The following TMEM117 variants were observed in gnomAD, a reference collection of about 807,000 sequenced individuals.
TMEM117 encodes transmembrane protein 117.
TMEM117 carries 27 observed loss-of-function variants against 52.4 expected under a neutral mutation model. The observed-to-expected ratio is 0.51, with a 90% confidence interval of 0.38 to 0.71. The LOEUF is 0.71. Among genes scored for constraint, TMEM117 ranks in the 30% least tolerant of loss-of-function variants. The pLI is 0.00. For missense variants in TMEM117, 556 were observed against 630.5 expected, an observed-to-expected ratio of 0.88 and a Z score of 1.26; for synonymous variants, 215 against 206.3, an observed-to-expected ratio of 1.04 and a Z score of -0.36.
Position 44,216,030 on chromosome 12 carries a change from C to CGGTTTCTT in TMEM117, c.608+4645_608+4652dup, listed in dbSNP as rs1316217203. On this transcript the variant is annotated intron_variant, in intron 5 of 7. Coordinates refer to ENST00000266534, the MANE Select transcript of TMEM117 (RefSeq NM_032256.3). ...CTTTTTTTTTTTTTTTTTTTTGAGA[C>CGGTTTCTT]GGTTTCTTGCTCTGTCACCCAGGCT... 5.3e-5 allele frequency among the ~76,000 whole-genome samples: 5 copies of CGGTTTCTT among 93,502 alleles called. No individual in the cohort carries two copies. In the East Asian group the frequency reaches 1.4e-3, roughly 27 times the overall value. The allele number at this position is 93,502 out of a possible 152,430, so 61.3% of individuals were successfully genotyped here.
intron 3 of TMEM117, among the ~76,000 whole-genome samples, chr12:44,042,100 ATC>A (rs1397607884): frequency 6.6e-6 from 1 of 152,166 alleles, no homozygotes; most frequent in Non-Finnish European, 1.5e-5. Context: ...AAACCCCATA[ATC>A]TCTGCCCAAA....
intron 3 of TMEM117, chr12:44,073,924 T>A (rs149979081): frequency 6.6e-6 from 1 of 152,338 alleles, no homozygotes; most frequent in Non-Finnish European, 1.5e-5. Context: ...TGGTTCTTAA[T>A]GATTTTAGTA....
chr12:43,877,890 A>AAAACAC, intron 2 of TMEM117, among the ~76,000 whole-genome samples: 1 of 143,106 alleles, frequency 7.0e-6, no homozygotes, highest in East Asian at 2.1e-4. Context: ...GTAAAAACAA[A>AAAACAC]ACACACACAC....
intron 2 of TMEM117, among the ~76,000 whole-genome samples, chr12:43,920,694 A>G (rs1944679701): frequency 6.6e-6 from 1 of 151,876 alleles, no homozygotes; most frequent in African/African-American, 2.4e-5. Context: ...AGCTGGCACC[A>G]TAGGTGCACC....
At chr12:43,800,045 G>C in the TMEM117 span, among the ~76,000 whole-genome samples, 10 of 152,198 alleles carry the variant, frequency 6.6e-5, no homozygotes, top group East Asian at 1.9e-3. Context: ...TAATGGTGAA[G>C]AAGCAATATA....
intron 6 of TMEM117, among the ~76,000 whole-genome samples, chr12:44,363,801 T>G (rs1446674605): frequency 2.0e-5 from 3 of 152,172 alleles, no homozygotes; most frequent in African/African-American, 4.8e-5. Flanking sequence ...GTATTTGTTT[T>G]GAGTGTGTAG....
At chr12:44,135,923 G>A in intron 3 of TMEM117, among the ~76,000 whole-genome samples, 1 of 152,120 alleles carries the variant, frequency 6.6e-6, no homozygotes, top group South Asian at 2.1e-4. Flanking sequence ...ACTTTGAACA[G>A]CATCAAAATC....
chr12:44,054,592 A>G (rs1947022663), intron 3 of TMEM117, among the ~76,000 whole-genome samples: 1 of 152,198 alleles, frequency 6.6e-6, no homozygotes, highest in Non-Finnish European at 1.5e-5. Flanking sequence ...TGTTTTAAAT[A>G]TCAGAAGTAC....
At chr12:44,363,671 G>A (rs1384702519) in intron 6 of TMEM117, among the ~76,000 whole-genome samples, 3 of 152,062 alleles carry the variant, frequency 2.0e-5, no homozygotes, top group Non-Finnish European at 2.9e-5. Flanking sequence ...TACCTTGCAG[G>A]TATTTACATT....
At chr12:44,114,936 T>G (rs947075304) in intron 3 of TMEM117, among the ~76,000 whole-genome samples, 5 of 152,206 alleles carry the variant, frequency 3.3e-5, no homozygotes, top group African/African-American at 1.2e-4. Flanking sequence ...AATATCTCTT[T>G]AATCTTAAAT....
At chr12:44,398,793 G>T in the TMEM117 span, among the ~76,000 whole-genome samples, 2 of 152,212 alleles carry the variant, frequency 1.3e-5, no homozygotes. Context: ...CTTTGCTAAG[G>T]CAGGGAAGAT....
chr12:44,105,886 G>A (rs1007083294), intron 3 of TMEM117, among the ~76,000 whole-genome samples: 2 of 152,034 alleles, frequency 1.3e-5, no homozygotes, highest in Non-Finnish European at 2.9e-5. Context: ...AAGTATAAGG[G>A]TGTTTTAAAG....
chr12:44,082,717 T>C (rs1947501858), intron 3 of TMEM117, among the ~76,000 whole-genome samples: 1 of 152,104 alleles, frequency 6.6e-6, no homozygotes, highest in Non-Finnish European at 1.5e-5. Context: ...AACATGAAAG[T>C]ATGTTATGCA....
intron 3 of TMEM117, among the ~76,000 whole-genome samples, chr12:44,064,908 A>C (rs879351831): frequency 6.6e-6 from 1 of 152,198 alleles, no homozygotes; most frequent in Non-Finnish European, 1.5e-5. Flanking sequence ...ACCACATACA[A>C]AAAAGGGGGG....
chr12:44,022,039 A>G (rs571733338), intron 3 of TMEM117, among the ~76,000 whole-genome samples: 28 of 152,344 alleles, frequency 1.8e-4, no homozygotes, highest in African/African-American at 6.0e-4. Context: ...CTGCCTTGGC[A>G]TGAAGAAAAT....
At chr12:44,289,223 TTTTG>T (rs1027388846) in intron 5 of TMEM117, among the ~76,000 whole-genome samples, 1 of 119,002 alleles carries the variant, frequency 8.4e-6, no homozygotes, top group East Asian at 3.1e-4. Context: ...TACTATCCCA[TTTTG>T]TGTGTGTGTG....
chr12:43,862,356 G>T (rs1215958674), intron 2 of TMEM117, among the ~76,000 whole-genome samples: 3 of 152,106 alleles, frequency 2.0e-5, no homozygotes, highest in African/African-American at 7.2e-5. Flanking sequence ...TTTTAGTAGA[G>T]ACAGGGTTTC....
chr12:43,810,830 A>G, the TMEM117 span, among the ~76,000 whole-genome samples: 2 of 152,158 alleles, frequency 1.3e-5, no homozygotes, highest in African/African-American at 4.8e-5. Context: ...TTTATCATAA[A>G]GCTTCAATGT....
rs143114947 is a variant in TMEM117, at chr12:44,291,812, T to C, written c.609-7768T>C. 2.3e-3 allele frequency among the ~76,000 whole-genome samples: 345 copies of C among 152,196 alleles called. 1 individual carries two copies. The highest frequency in any genetic ancestry group is 7.8e-3 in the African/African-American group (323 of 41,564). On this transcript the variant is annotated intron_variant, in intron 5 of 7. Coordinates refer to ENST00000266534, the MANE Select transcript of TMEM117 (RefSeq NM_032256.3). Reference sequence around the variant, plus strand: ...ATCACATTTATTGATTTGTGTAAGCTAACATATCCTTGCTTGCCAAGGATA... The same window carrying C: ...ATCACATTTATTGATTTGTGTAAGCCAACATATCCTTGCTTGCCAAGGATA...
Sources: gnomAD v4.1 joint callset for allele counts (sites outside exome capture counted in the v4.1 genomes callset) on GRCh38, gnomAD v4.1.1 for gene constraint, MANE v1.5 for transcripts, NCBI Gene and HGNC (gene_info 2026-07-23, HGNC 2026-07-21) for gene names.